The following CCDC178 variants were observed in gnomAD, a reference collection of about 807,000 sequenced individuals.
CCDC178 encodes the protein coiled-coil domain containing 178.
In CCDC178, 126 loss-of-function variants were observed where a neutral mutation model predicts 117.4. That is an observed-to-expected ratio of 1.07 (90% CI 0.93 to 1.24). The LOEUF (loss-of-function observed/expected upper bound fraction) is 1.24. Among genes scored for constraint, CCDC178 ranks in the 50% most tolerant of loss-of-function variants. CCDC178 has a pLI of 0.00. For synonymous variants in CCDC178, 283 were observed against 313.4 expected (o/e 0.90, Z 1.02); for missense variants, 1,030 against 986.9 (o/e 1.04, Z -0.59).
chr18:33,096,906 C>T (rs1021824295), intron 20 of CCDC178, among the ~76,000 whole-genome samples: 1 of 152,046 alleles, frequency 6.6e-6, no homozygotes, highest in Middle Eastern at 3.2e-3. Context: ...TGAATTTATC[C>T]TTGTAGCAAT....
rs749999694 is a variant in CCDC178 at position 33,354,608 on chromosome 18, ATT to A, written c.371+1714_371+1715del. Among the ~76,000 whole-genome samples, 384 of 138,444 alleles carry A rather than the reference ATT, an allele frequency of 2.8e-3. 1 individual carries two copies. Among genetic ancestry groups the A allele is most frequent in the African/African-American group, 9.1e-3 (347 of 37,936 alleles). The allele number at this position is 138,444 out of a possible 152,430, so 90.8% of individuals were successfully genotyped here. ...AGTTAGTTTATTTTTCAGTTCCAGA[ATT>A]TTTTTTTTTTTTTTTTTCCAGACAG... On this transcript the variant is annotated intron_variant, in intron 7 of 22. Coordinates refer to ENST00000383096, the MANE Select transcript of CCDC178 (RefSeq NM_001105528.4).
At chr18:33,197,019 A>AT (rs575905144) in intron 20 of CCDC178, among the ~76,000 whole-genome samples, 124 of 151,954 alleles carry the variant, frequency 8.2e-4, no homozygotes, top group Admixed American at 2.2e-3. Flanking sequence ...ATTTATCTTA[A>AT]TTTTTTCATT....
intron 21 of CCDC178, among the ~76,000 whole-genome samples, chr18:33,045,591 A>G (rs1274831644): frequency 1.3e-5 from 2 of 152,232 alleles, no homozygotes; most frequent in African/African-American, 2.4e-5. Flanking sequence ...CTTAATATCA[A>G]TTGTTCTGGC....
chr18:33,117,435 G>A lies in CCDC178; in HGVS notation c.2239-24525C>T, dbSNP rs78353413. On this transcript the variant is annotated intron_variant, in intron 20 of 22. Coordinates refer to ENST00000383096, the MANE Select transcript of CCDC178 (RefSeq NM_001105528.4). ...GCAGAGTCCTTAATCTGCCAGCAAC[G>A]TAGACCAACTTGAGTCCCTGATATG... 4.0e-3 allele frequency among the ~76,000 whole-genome samples: 605 copies of A among 152,116 alleles called. 8 individuals carry two copies. Among genetic ancestry groups the A allele is most frequent in the Admixed American group, 0.029 (449 of 15,252 alleles).
intron 5 of CCDC178, among the ~76,000 whole-genome samples, chr18:33,381,655 T>A (rs1257618163): frequency 6.6e-6 from 1 of 152,148 alleles, no homozygotes; most frequent in East Asian, 1.9e-4. Flanking sequence ...TCATTTCAAA[T>A]CTCTCCTGAT....
intron 12 of CCDC178, among the ~76,000 whole-genome samples, chr18:33,273,287 T>C (rs183628450): frequency 1.9e-3 from 293 of 151,700 alleles, no homozygotes; most frequent in Non-Finnish European, 3.4e-3. Context: ...CAATTTTATT[T>C]ACAATAGTGT....
At chr18:33,335,468 C>A (rs1030777279) in intron 9 of CCDC178, among the ~76,000 whole-genome samples, 4 of 151,992 alleles carry the variant, frequency 2.6e-5, no homozygotes, top group Non-Finnish European at 5.9e-5. Context: ...ATTATTACTT[C>A]CATGAAGATC....
At position 32,970,485 on chromosome 18, in the gene CCDC178, C is replaced by T. The variant is rs9957810; in HGVS notation, c.2523+4062G>A. Among the ~76,000 whole-genome samples, 1,333 of 151,910 alleles carry T rather than the reference C, an allele frequency of 8.8e-3. 14 individuals are homozygous for T. The highest frequency in any genetic ancestry group is 0.03 in the African/African-American group (1,250 of 41,458). ...TTGAGAATAGGAAACATTATTTAGACCCCCTGACATCGGCACTTAAAGGAA... is the reference window on the plus strand; with the variant it reads ...TTGAGAATAGGAAACATTATTTAGATCCCCTGACATCGGCACTTAAAGGAA... On this transcript the variant is annotated intron_variant, in intron 22 of 22. Transcript: ENST00000383096.
At chr18:33,060,376 T>C (rs2056902906) in intron 21 of CCDC178, among the ~76,000 whole-genome samples, 1 of 152,092 alleles carries the variant, frequency 6.6e-6, no homozygotes, top group Non-Finnish European at 1.5e-5. Flanking sequence ...ACTCCATTGC[T>C]AATGGTGCCA....
At chr18:33,085,740 T>C (rs1005797623) in intron 21 of CCDC178, among the ~76,000 whole-genome samples, 1 of 152,142 alleles carries the variant, frequency 6.6e-6, no homozygotes, top group African/African-American at 2.4e-5. Flanking sequence ...ATATTCATAT[T>C]CCTTATTATC....
In CCDC178 at chr18:33,333,430, A is replaced by G. The variant is rs369871706; in HGVS notation, c.659-36T>C. The G allele has an allele frequency of 2.9e-5, 29 of 1,007,010 alleles. 1 individual carries two copies. Among genetic ancestry groups the G allele is most frequent in the Non-Finnish European group, 4.0e-5 (28 of 706,942 alleles). The allele number at this position is 1,007,010 out of a possible 1,614,324, so 62.4% of individuals were successfully genotyped here. A position where few individuals can be genotyped will look rare whatever the true frequency, so the allele number is the denominator to read the frequency against. ...AAGGATAAGAACAAAAGAAAATCTG[A>G]TTGGAGGAAATATTTGATAATACAT... On this transcript the variant is annotated intron_variant, in intron 9 of 22. Transcript: ENST00000383096.
intron 22 of CCDC178, among the ~76,000 whole-genome samples, chr18:32,960,881 C>T (rs2144658055): frequency 6.6e-6 from 1 of 152,148 alleles, no homozygotes; most frequent in South Asian, 2.1e-4. Context: ...ATTTAATTTT[C>T]AAATATTTAA....
chr18:33,069,925 T>C (rs1401539659), intron 21 of CCDC178, among the ~76,000 whole-genome samples: 2 of 151,944 alleles, frequency 1.3e-5, no homozygotes, highest in East Asian at 3.9e-4. Context: ...AATGAAAAAA[T>C]GCTAAACATT....
chr18:32,979,957 G>A (rs1227667525), intron 21 of CCDC178, among the ~76,000 whole-genome samples: 3 of 151,984 alleles, frequency 2.0e-5, no homozygotes, highest in Admixed American at 6.6e-5. Context: ...AAATCAGTGC[G>A]GAAAGGATGG....
chr18:33,307,863 G>T (rs1315717957), intron 11 of CCDC178, among the ~76,000 whole-genome samples: 1 of 152,204 alleles, frequency 6.6e-6, no homozygotes, highest in Non-Finnish European at 1.5e-5. Context: ...TGGGCCTGTG[G>T]GTGCATGGAT....
At chr18:33,007,632 T>C (rs953941067) in intron 21 of CCDC178, among the ~76,000 whole-genome samples, 1 of 152,092 alleles carries the variant, frequency 6.6e-6, no homozygotes, top group Non-Finnish European at 1.5e-5. Flanking sequence ...GCTGACAAGA[T>C]AGGGGTAGTT....
At chr18:33,329,677 T>C (rs993554512) in intron 10 of CCDC178, among the ~76,000 whole-genome samples, 3 of 152,154 alleles carry the variant, frequency 2.0e-5, no homozygotes, top group Non-Finnish European at 4.4e-5. Flanking sequence ...TTTAATATGC[T>C]GCTAGATTTG....
intron 15 of CCDC178, among the ~76,000 whole-genome samples, chr18:33,237,771 T>C (rs971691541): frequency 1.4e-5 from 2 of 146,042 alleles, no homozygotes; most frequent in African/African-American, 5.4e-5. Flanking sequence ...GTCCCAAGAC[T>C]GAAAAAAACA....
chr18:33,129,285 C>T (rs1055313789), intron 20 of CCDC178, among the ~76,000 whole-genome samples: 1 of 152,032 alleles, frequency 6.6e-6, no homozygotes, highest in Non-Finnish European at 1.5e-5. Context: ...CTAGTTAATG[C>T]TATAAAGCAA....
Sources: allele counts gnomAD v4.1 joint callset (sites outside exome capture counted in the v4.1 genomes callset), GRCh38; gene constraint gnomAD v4.1.1; transcripts MANE v1.5; gene names NCBI Gene and HGNC (gene_info 2026-07-23, HGNC 2026-07-21).